The following KCNH7 variants were observed in gnomAD, a reference collection of about 807,000 sequenced individuals.
KCNH7 encodes the protein potassium voltage-gated channel subfamily H member 7, also known as voltage-gated inwardly rectifying potassium channel KCNH7.
In KCNH7, 49 loss-of-function variants were observed where a neutral mutation model predicts 120.8. The ratio of observed to expected loss-of-function variants is 0.41; its 90% CI spans 0.32 to 0.51. The LOEUF (loss-of-function observed/expected upper bound fraction) is 0.51. KCNH7 is among the 20% of genes least tolerant of loss of function. The pLI, the probability that KCNH7 is intolerant of heterozygous loss-of-function variation, is 0.38. For missense variants in KCNH7, 1,097 were observed against 1,446.6 expected (o/e 0.76, Z 3.92); for synonymous variants, 547 against 516.1 (o/e 1.06, Z -0.81).
intron 2 of KCNH7, among the ~76,000 whole-genome samples, chr2:162,667,566 T>G (rs776521716): frequency 2.6e-5 from 4 of 152,244 alleles, no homozygotes; most frequent in Non-Finnish European, 5.9e-5. Flanking sequence ...ACACTCAAAC[T>G]AATATGTATC....
At chr2:162,672,632 G>T (rs1685398707) in intron 2 of KCNH7, among the ~76,000 whole-genome samples, 1 of 151,890 alleles carries the variant, frequency 6.6e-6, no homozygotes, top group Non-Finnish European at 1.5e-5. Context: ...AGAAAAAATA[G>T]AAATAATAGT....
At chr2:162,559,351 A>G (rs1020681627) in intron 2 of KCNH7, among the ~76,000 whole-genome samples, 2 of 152,196 alleles carry the variant, frequency 1.3e-5, no homozygotes, top group Non-Finnish European at 2.9e-5. Flanking sequence ...TAAATCATGC[A>G]GAGAAAAAAC....
chr2:162,459,456 T>C (rs1689078838), intron 6 of KCNH7, among the ~76,000 whole-genome samples: 1 of 152,134 alleles, frequency 6.6e-6, no homozygotes, highest in Admixed American at 6.5e-5. Context: ...GAACTACAGT[T>C]CCCAGCCCCA....
chr2:162,755,321 A>C (rs1245514776), intron 2 of KCNH7, among the ~76,000 whole-genome samples: 1 of 152,048 alleles, frequency 6.6e-6, no homozygotes, highest in Non-Finnish European at 1.5e-5. Context: ...ATACAAAAAA[A>C]ATTAGCCAGG....
intron 6 of KCNH7, among the ~76,000 whole-genome samples, chr2:162,457,126 T>G (rs1422608573): frequency 9.9e-5 from 15 of 152,122 alleles, no homozygotes; most frequent in Non-Finnish European, 2.9e-5. Context: ...CCATCCTTTC[T>G]GAAAATGAAG....
intron 2 of KCNH7, among the ~76,000 whole-genome samples, chr2:162,630,030 C>A (rs924325658): frequency 2.3e-4 from 35 of 151,892 alleles, no homozygotes; most frequent in African/African-American, 8.5e-4. Context: ...ATGACAACAT[C>A]CGAATATTGA....
intron 2 of KCNH7, among the ~76,000 whole-genome samples, chr2:162,633,135 G>A (rs1156739590): frequency 1.3e-5 from 2 of 151,672 alleles, no homozygotes; most frequent in Non-Finnish European, 2.9e-5. Flanking sequence ...ACTCCTTTTT[G>A]TTTTTAGCCT....
At chr2:162,684,853 T>C (rs1481986546) in intron 2 of KCNH7, among the ~76,000 whole-genome samples, 1 of 152,076 alleles carries the variant, frequency 6.6e-6, no homozygotes, top group Non-Finnish European at 1.5e-5. Context: ...ACTGGGTATA[T>C]CCCCAGAGGA....
chr2:162,595,820 A>G (rs1694360255), intron 2 of KCNH7, among the ~76,000 whole-genome samples: 1 of 152,032 alleles, frequency 6.6e-6, no homozygotes, highest in Non-Finnish European at 1.5e-5. Flanking sequence ...AGAAAACCCT[A>G]AATACTCCAC....
At chr2:162,380,715 CT>C (rs1444606553) in intron 13 of KCNH7, among the ~76,000 whole-genome samples, 1 of 152,148 alleles carries the variant, frequency 6.6e-6, no homozygotes, top group East Asian at 1.9e-4. Flanking sequence ...CTATGTTACT[CT>C]ACTTTAAGAT....
At chr2:162,820,254 T>TGTGTGTGTGTGTGTGTGTGTGTGTGG in intron 2 of KCNH7, among the ~76,000 whole-genome samples, 1 of 147,682 alleles carries the variant, frequency 6.8e-6, no homozygotes, top group South Asian at 2.2e-4. Flanking sequence ...TGTGTGTGTG[T>TGTGTGTGTGTGTGTGTGTGTGTGTGG]TTAGTAGAGA....
At chr2:162,557,491 T>C (rs1692898675) in intron 2 of KCNH7, among the ~76,000 whole-genome samples, 1 of 152,146 alleles carries the variant, frequency 6.6e-6, no homozygotes. Context: ...TTTCCCTTCT[T>C]GATGGAGCAG....
chr2:162,786,445 A>C (rs1174990237), intron 2 of KCNH7, among the ~76,000 whole-genome samples: 1 of 152,182 alleles, frequency 6.6e-6, no homozygotes, highest in Admixed American at 6.5e-5. Flanking sequence ...ACAATAAGCA[A>C]GTCACCAAGC....
intron 2 of KCNH7, among the ~76,000 whole-genome samples, chr2:162,574,745 G>T (rs183727905): frequency 5.5e-4 from 83 of 152,204 alleles, no homozygotes; most frequent in Non-Finnish European, 1.1e-3. Context: ...CATGACAAGA[G>T]CAAAGCTGGG....
At chr2:162,654,077 T>C (rs1343497193) in intron 2 of KCNH7, among the ~76,000 whole-genome samples, 4 of 148,978 alleles carry the variant, frequency 2.7e-5, no homozygotes, top group Admixed American at 2.6e-4. Flanking sequence ...TCCATGACCT[T>C]AGTGTGAGCA....
intron 2 of KCNH7, among the ~76,000 whole-genome samples, chr2:162,617,217 C>T (rs1050482596): frequency 1.3e-5 from 2 of 152,138 alleles, no homozygotes; most frequent in Non-Finnish European, 2.9e-5. Flanking sequence ...TGGTGGCTCA[C>T]GCCTGTAATC....
intron 2 of KCNH7, among the ~76,000 whole-genome samples, chr2:162,803,853 G>A (rs1421119332): frequency 2.6e-5 from 4 of 151,542 alleles, no homozygotes; most frequent in South Asian, 2.1e-4. Context: ...TACAGGATCT[G>A]TGGACAATGA....
At chr2:162,570,523 C>T (rs1486623690) in intron 2 of KCNH7, among the ~76,000 whole-genome samples, 2 of 151,924 alleles carry the variant, frequency 1.3e-5, no homozygotes, top group Non-Finnish European at 2.9e-5. Context: ...GCATTTAGTC[C>T]ACTTATATTT....
intron 8 of KCNH7, among the ~76,000 whole-genome samples, chr2:162,434,699 T>C (rs1056258826): frequency 1.4e-5 from 2 of 144,902 alleles, no homozygotes; most frequent in Non-Finnish European, 2.9e-5. Flanking sequence ...TATGTGTATG[T>C]TGCATGTATA....
Sources: allele counts gnomAD v4.1 joint callset (sites outside exome capture counted in the v4.1 genomes callset), GRCh38; gene constraint gnomAD v4.1.1; transcripts MANE v1.5; gene names NCBI Gene and HGNC (gene_info 2026-07-23, HGNC 2026-07-21).